The following TMEM132B variants were observed in gnomAD, a reference collection of about 807,000 sequenced individuals.
The protein encoded by TMEM132B is transmembrane protein 132B.
Under a neutral mutation model 90.8 loss-of-function variants are expected in TMEM132B, and 18 were observed. That is an observed-to-expected ratio of 0.20 (90% confidence interval 0.14 to 0.29). The LOEUF (loss-of-function observed/expected upper bound fraction) is 0.29, where lower values mean the gene tolerates loss of function less well. Ranked by LOEUF, TMEM132B falls within the 10% of genes least tolerant of loss-of-function variation. TMEM132B has a pLI of 1.00. For synonymous variants in TMEM132B, 504 were observed against 523.3 expected, an observed-to-expected ratio of 0.96 and a Z score of 0.50; for missense variants, 1,096 against 1,326.8, an observed-to-expected ratio of 0.83 and a Z score of 2.70.
At chr12:125,639,880 C>G (rs1333447704) in intron 5 of TMEM132B, among the ~76,000 whole-genome samples, 1 of 152,196 alleles carries the variant, frequency 6.6e-6, no homozygotes, top group Non-Finnish European at 1.5e-5. Context: ...AGTAACAAAA[C>G]CACATAGACC....
intron 1 of TMEM132B, among the ~76,000 whole-genome samples, chr12:125,276,937 C>A (rs1320515866): frequency 1.3e-5 from 2 of 152,212 alleles, no homozygotes; most frequent in African/African-American, 4.8e-5. Context: ...GGATTCTAAT[C>A]AAACGGTCTT....
At chr12:125,292,592 G>C (rs1288124677) in intron 1 of TMEM132B, among the ~76,000 whole-genome samples, 1 of 152,196 alleles carries the variant, frequency 6.6e-6, no homozygotes, top group Non-Finnish European at 1.5e-5. Context: ...ATCTGGGAGG[G>C]ACAGCTTCAG....
At chr12:125,383,366 A>G (rs1878738608) in intron 2 of TMEM132B, among the ~76,000 whole-genome samples, 1 of 152,190 alleles carries the variant, frequency 6.6e-6, no homozygotes, top group African/African-American at 2.4e-5. Flanking sequence ...TTTGGGAAGT[A>G]AGTTTATCTT....
chr12:125,463,784 C>A (rs554135420), intron 3 of TMEM132B, among the ~76,000 whole-genome samples: 7 of 152,340 alleles, frequency 4.6e-5, no homozygotes, highest in African/African-American at 1.7e-4. Flanking sequence ...CATTTTCACA[C>A]TGCTATAAAT....
At chr12:125,374,625 T>C (rs1878419056) in intron 2 of TMEM132B, among the ~76,000 whole-genome samples, 1 of 151,978 alleles carries the variant, frequency 6.6e-6, no homozygotes, top group South Asian at 2.1e-4. Flanking sequence ...GAGATCCCTC[T>C]GCCCTGCACC....
chr12:125,289,559 G>C (rs11058128), intron 1 of TMEM132B, among the ~76,000 whole-genome samples: 20,773 of 152,222 alleles, frequency 0.14, 1,592 homozygotes, highest in African/African-American at 0.2. Flanking sequence ...CACACTATTT[G>C]ACAATGGAAC....
rs114090514 is a variant in TMEM132B, at chr12:125,207,579, A to T, written c.67+20713A>T. The stretch of plus-strand genomic sequence containing the variant: ...AACTGGGTTTTTTTAATTGCATTAA[A>T]CATACATAACAAAATTTACCATCTT... On this transcript the variant is annotated intron_variant, in intron 1 of 8. Coordinates refer to ENST00000682704, the MANE Select transcript of TMEM132B (RefSeq NM_001366854.1). Among the ~76,000 whole-genome samples the T allele has an allele frequency of 6.3e-3, 953 of 152,312 alleles. 10 individuals are homozygous for T. The highest frequency in any genetic ancestry group is 0.022 in the African/African-American group (913 of 41,552).
At chr12:125,259,500 C>T (rs911054152) in intron 1 of TMEM132B, among the ~76,000 whole-genome samples, 1 of 152,150 alleles carries the variant, frequency 6.6e-6, no homozygotes, top group Non-Finnish European at 1.5e-5. Flanking sequence ...AATTTGTCAC[C>T]GGGTTGAGTT....
chr12:125,424,441 C>T (rs1442272955), intron 3 of TMEM132B, among the ~76,000 whole-genome samples: 4 of 152,178 alleles, frequency 2.6e-5, no homozygotes, highest in Non-Finnish European at 5.9e-5. Context: ...GCATAATTTG[C>T]ATCGACGTAA....
At chr12:125,390,200 G>A (rs1417256396) in intron 2 of TMEM132B, among the ~76,000 whole-genome samples, 1 of 152,174 alleles carries the variant, frequency 6.6e-6, no homozygotes, top group Non-Finnish European at 1.5e-5. Flanking sequence ...TGCTTATAGT[G>A]GCATTATTTA....
chr12:125,230,590 C>T (rs1201188528), intron 1 of TMEM132B, among the ~76,000 whole-genome samples: 1 of 151,848 alleles, frequency 6.6e-6, no homozygotes, highest in African/African-American at 2.4e-5. Flanking sequence ...ATGCCATTCT[C>T]TTGCCTCAGC....
chr12:125,319,584 G>A (rs1876373636), intron 1 of TMEM132B, among the ~76,000 whole-genome samples: 1 of 152,228 alleles, frequency 6.6e-6, no homozygotes, highest in Non-Finnish European at 1.5e-5. Context: ...ATCCTGCTGA[G>A]ATGGGCACTG....
Position 125,484,413 on chromosome 12 carries a change from C to T in TMEM132B, c.1107-35026C>T, listed in dbSNP as rs547988812. Among the ~76,000 whole-genome samples the T allele has an allele frequency of 1.9e-3, 293 of 152,174 alleles. 1 individual carries two copies. Among genetic ancestry groups the T allele is most frequent in the African/African-American group, 6.8e-3 (283 of 41,522 alleles). On this transcript the variant is annotated intron_variant, in intron 3 of 8. Transcript: ENST00000682704. ...TTGTGGCTGGGGCTGTAAATCAAGG[C>T]GTCCTACTCTGCACTGATCAAGGGG...
At chr12:125,543,756 G>T (rs1050277683) in intron 4 of TMEM132B, among the ~76,000 whole-genome samples, 28 of 152,234 alleles carry the variant, frequency 1.8e-4, no homozygotes, top group Non-Finnish European at 3.8e-4. Flanking sequence ...TTGTGGGAAT[G>T]TCAATTAGTT....
Position 125,650,620 on chromosome 12 carries a change from C to G in TMEM132B, c.1644-63C>G, listed in dbSNP as rs1886880243. ...GTGGGCTCACCTAGAATCTGAAAAACAAGGGCATGCAGAACTTCTTAACAA... is the reference window on the plus strand; with the variant it reads ...GTGGGCTCACCTAGAATCTGAAAAAGAAGGGCATGCAGAACTTCTTAACAA... On this transcript the variant is annotated intron_variant, in intron 6 of 8. Transcript: ENST00000682704. 3.8e-6 allele frequency: 6 copies of G among 1,562,002 alleles called. No individual in the cohort carries two copies. In the Admixed American group the frequency reaches 5.2e-5, roughly 14 times the overall value.
chr12:125,212,333 A>C (rs1220472684), intron 1 of TMEM132B, among the ~76,000 whole-genome samples: 1 of 53,004 alleles, frequency 1.9e-5, no homozygotes, highest in African/African-American at 1.4e-4. Context: ...ACATATTAAT[A>C]AATTAATTAA....
rs542642248 is a variant in TMEM132B, at chr12:125,540,760, C to T, written c.1293+21135C>T. On this transcript the variant is annotated intron_variant, in intron 4 of 8. Coordinates refer to ENST00000682704, the MANE Select transcript of TMEM132B (RefSeq NM_001366854.1). ...CTGGCTCATTACAGTCTGCTCTCCA[C>T]GCAGCAGCCAGACCTATCATGTCTG... 1.3e-4 allele frequency among the ~76,000 whole-genome samples: 20 copies of T among 152,312 alleles called. No homozygotes were observed. In the South Asian group the frequency reaches 3.7e-3, roughly 28 times the overall value.
In TMEM132B at chr12:125,654,240, G is replaced by T; in HGVS notation, c.2782G>T (p.Ala928Ser). ...LVFLINCVAF[A>S]WKYRHKRFAV... ...CTTCTTGATCAACTGCGTGGCGTTTGCCTGGAAATACAGACACAAAAGGTT... is the reference window on the plus strand; with the variant it reads ...CTTCTTGATCAACTGCGTGGCGTTTTCCTGGAAATACAGACACAAAAGGTT... The change falls in exon 9 of 9, where the codon GCC becomes TCC. Residue 928 changes from alanine to serine, a missense_variant. Ala to Ser is a moderately conservative substitution (Grantham distance 99). Coordinates refer to ENST00000682704, the MANE Select transcript of TMEM132B (RefSeq NM_001366854.1). This position sits in a 1 kb window ranked among gnomAD's most constrained non-coding sequence, Gnocchi z 5.8. 6.2e-7 allele frequency: 1 copy of T among 1,614,156 alleles called. No homozygotes were observed. The highest frequency in any genetic ancestry group is 8.5e-7 in the Non-Finnish European group (1 of 1,180,038).
At chr12:125,508,897 C>T (rs1882909445) in intron 3 of TMEM132B, among the ~76,000 whole-genome samples, 1 of 151,602 alleles carries the variant, frequency 6.6e-6, no homozygotes, top group African/African-American at 2.4e-5. Context: ...GATTCTCCTG[C>T]CTCAGTCTCC....
Sources: gnomAD v4.1 joint callset for allele counts (sites outside exome capture counted in the v4.1 genomes callset) on GRCh38, gnomAD v4.1.1 for gene constraint, Gnocchi (gnomAD v3.1) non-coding constraint, MANE v1.5 for transcripts, NCBI Gene and HGNC (gene_info 2026-07-23, HGNC 2026-07-21) for gene names.